The following MGAT4C variants were observed in gnomAD, a reference collection of about 807,000 sequenced individuals.
MGAT4C encodes alpha-1,3-mannosyl-glycoprotein 4-beta-N-acetylglucosaminyltransferase C.
Under a neutral mutation model 40.1 loss-of-function variants are expected in MGAT4C, and 19 were observed. The observed-to-expected ratio is 0.47, with a 90% CI of 0.33 to 0.70. The LOEUF is 0.70. Among genes scored for constraint, MGAT4C ranks in the 30% least tolerant of loss-of-function variants. MGAT4C has a pLI of 0.02. For synonymous variants in MGAT4C, 181 were observed against 187.1 expected (o/e 0.97, Z 0.27); for missense variants, 491 against 563.2 (o/e 0.87, Z 1.30).
At chr12:86,088,987 A>G (rs1872407935) in intron 1 of MGAT4C, among the ~76,000 whole-genome samples, 1 of 151,930 alleles carries the variant, frequency 6.6e-6, no homozygotes, top group Non-Finnish European at 1.5e-5. Context: ...AAGCCATTTC[A>G]TATGTTTCAT....
At chr12:86,387,364 C>A (rs533618462) in intron 3 of MGAT4C, among the ~76,000 whole-genome samples, 20 of 152,042 alleles carry the variant, frequency 1.3e-4, no homozygotes, top group Non-Finnish European at 2.4e-4. Flanking sequence ...TAAATATATA[C>A]ATATATGTTT....
chr12:86,247,721 G>A (rs1202214558), intron 1 of MGAT4C, among the ~76,000 whole-genome samples: 1 of 152,100 alleles, frequency 6.6e-6, no homozygotes, highest in East Asian at 1.9e-4. Flanking sequence ...TGGTGGAACT[G>A]AAGAAGAAAT....
rs984124499 is a variant in MGAT4C at position 86,317,014 on chromosome 12, A to G, written c.-57+17051T>C. Among the ~76,000 whole-genome samples the G allele has an allele frequency of 7.2e-5, 11 of 152,196 alleles. No homozygotes were observed. In the South Asian group the frequency reaches 1.9e-3, roughly 26 times the overall value. On this transcript the variant is annotated intron_variant, in intron 4 of 7. Coordinates refer to the MGAT4C transcript ENST00000548651. ...ATCAAGGAAAGAAGAAAGGACAGAA[A>G]AAAGAAGGGACAAAAGAAGGAAGGA...
At chr12:86,254,180 A>G (rs921574253) in intron 1 of MGAT4C, among the ~76,000 whole-genome samples, 1 of 151,988 alleles carries the variant, frequency 6.6e-6, no homozygotes, top group African/African-American at 2.4e-5. Flanking sequence ...TGGCATAGGA[A>G]ATTGCTATGA....
intron 2 of MGAT4C, among the ~76,000 whole-genome samples, chr12:86,561,984 A>C (rs1959884337): frequency 6.6e-6 from 1 of 152,164 alleles, no homozygotes. Flanking sequence ...TGCAAAATAA[A>C]TACACATTTG....
chr12:86,757,746 G>A (rs1012059387), intron 1 of MGAT4C, among the ~76,000 whole-genome samples: 2 of 152,142 alleles, frequency 1.3e-5, no homozygotes, highest in Non-Finnish European at 2.9e-5. Flanking sequence ...CAACAATACA[G>A]TAGAAACCCT....
At chr12:86,496,181 A>G (rs923818356) in intron 2 of MGAT4C, among the ~76,000 whole-genome samples, 1 of 152,020 alleles carries the variant, frequency 6.6e-6, no homozygotes. Context: ...TGGGACCTAT[A>G]GAGTGATAAA....
intron 1 of MGAT4C, among the ~76,000 whole-genome samples, chr12:86,828,688 T>C (rs990354607): frequency 4.6e-4 from 70 of 151,580 alleles, no homozygotes; most frequent in African/African-American, 1.4e-3. Flanking sequence ...TGGGATGCTA[T>C]TGGGCAAAGA....
chr12:86,540,742 G>C (rs1321176874), intron 2 of MGAT4C, among the ~76,000 whole-genome samples: 1 of 148,608 alleles, frequency 6.7e-6, no homozygotes, highest in African/African-American at 2.4e-5. Context: ...TCTCCAGAAA[G>C]AGAGAGAGAG....
chr12:86,539,726 G>A (rs1959139632), intron 2 of MGAT4C, among the ~76,000 whole-genome samples: 1 of 152,186 alleles, frequency 6.6e-6, no homozygotes, highest in Non-Finnish European at 1.5e-5. Flanking sequence ...ACTGGTGTGA[G>A]ATGGTATCTC....
In MGAT4C at chr12:85,970,377, A is replaced by G. The variant is rs1883561733; in HGVS notation, c.*8912T>C. Reference sequence around the variant, plus strand: ...GTAAAAATGGACAAAATTTAGTTTTATCTTGTGGTCTGGAAATACACCCTA... The same window carrying G: ...GTAAAAATGGACAAAATTTAGTTTTGTCTTGTGGTCTGGAAATACACCCTA... On this transcript the variant is annotated 3_prime_UTR_variant, in exon 5 of 5. Coordinates refer to ENST00000611864, the MANE Select transcript of MGAT4C (RefSeq NM_001351288.2). 1.3e-5 allele frequency: 2 copies of G among 151,362 alleles called. No individual in the cohort carries two copies. Among genetic ancestry groups the G allele is most frequent in the African/African-American group, 4.8e-5 (2 of 41,388 alleles). The allele number at this position is 151,362 out of a possible 1,614,324, so 9.4% of individuals were successfully genotyped here.
chr12:86,754,152 C>T (rs1457397314), intron 1 of MGAT4C, among the ~76,000 whole-genome samples: 2 of 152,040 alleles, frequency 1.3e-5, no homozygotes, highest in Non-Finnish European at 2.9e-5. Context: ...GAATTTGACT[C>T]CTCAGTAAAA....
intron 2 of MGAT4C, among the ~76,000 whole-genome samples, chr12:86,613,539 G>C (rs943837722): frequency 6.6e-6 from 1 of 152,038 alleles, no homozygotes; most frequent in Non-Finnish European, 1.5e-5. Flanking sequence ...TCACAGTTAT[G>C]ATGCAATTAC....
At chr12:86,645,538 C>T (rs1963518241) in intron 2 of MGAT4C, among the ~76,000 whole-genome samples, 1 of 151,716 alleles carries the variant, frequency 6.6e-6, no homozygotes, top group Admixed American at 6.6e-5. Context: ...AAAGTACAAT[C>T]TTGGCAATAA....
rs376753588 is a variant in MGAT4C at position 86,132,365 on chromosome 12, T to TC, written c.-56-82643_-56-82642insG. On this transcript the variant is annotated intron_variant, in intron 1 of 4. Coordinates refer to ENST00000611864, the MANE Select transcript of MGAT4C (RefSeq NM_001351288.2). Reference sequence around the variant, plus strand: ...ATTCAACAGTGTTTAGACGATTCTCTTTTTTTTTGCCTGAATTTTTCTATT... The same window carrying TC: ...ATTCAACAGTGTTTAGACGATTCTCTCTTTTTTTTGCCTGAATTTTTCTATT... Among the ~76,000 whole-genome samples the TC allele has an allele frequency of 8.4e-3, 964 of 114,102 alleles. 5 individuals carry two copies. Among genetic ancestry groups the TC allele is most frequent in the Middle Eastern group, 0.011 (3 of 270 alleles). The allele number at this position is 114,102 out of a possible 152,430, so 74.9% of individuals were successfully genotyped here.
chr12:86,644,362 A>G (rs1963476698), intron 2 of MGAT4C, among the ~76,000 whole-genome samples: 1 of 151,752 alleles, frequency 6.6e-6, no homozygotes, highest in Non-Finnish European at 1.5e-5. Flanking sequence ...ATGCTCATTT[A>G]TCCTTAGCAA....
intron 4 of MGAT4C, among the ~76,000 whole-genome samples, chr12:86,273,068 G>T (rs1952988957): frequency 6.6e-6 from 1 of 152,060 alleles, no homozygotes; most frequent in African/African-American, 2.4e-5. Context: ...CTTTAAACTG[G>T]AGATATTAGT....
intron 1 of MGAT4C, among the ~76,000 whole-genome samples, chr12:86,163,572 A>G (rs1885844276): frequency 6.6e-6 from 1 of 152,162 alleles, no homozygotes; most frequent in Non-Finnish European, 1.5e-5. Flanking sequence ...TTTGACTAGA[A>G]CATAACAGAT....
chr12:86,480,659 CGTAT>C (rs767174478), intron 2 of MGAT4C, among the ~76,000 whole-genome samples: 44 of 150,164 alleles, frequency 2.9e-4, no homozygotes, highest in Non-Finnish European at 4.7e-4. Context: ...AACATATGTA[CGTAT>C]GTGTGTATAT....
Sources: gnomAD v4.1 joint callset for allele counts (sites outside exome capture counted in the v4.1 genomes callset) on GRCh38, gnomAD v4.1.1 for gene constraint, MANE v1.5 for transcripts, NCBI Gene and HGNC (gene_info 2026-07-23, HGNC 2026-07-21) for gene names.